The following CHD4 variants were observed in gnomAD, a reference collection of about 807,000 sequenced individuals.
The protein encoded by CHD4 is chromodomain helicase DNA binding protein 4.
In CHD4, 35 loss-of-function variants were observed where a neutral mutation model predicts 235.5. That is an observed-to-expected ratio of 0.15 (90% CI 0.11 to 0.20). The LOEUF (loss-of-function observed/expected upper bound fraction) is 0.20. CHD4 is among the 10% of genes least tolerant of loss of function. The probability of loss-of-function intolerance (pLI) is 1.00; values close to 1 mark genes in which losing one functional copy is unlikely to be tolerated. For synonymous variants in CHD4, 900 were observed against 850.2 expected, an observed-to-expected ratio of 1.06 and a Z score of -1.02; for missense variants, 1,329 against 2,432.3, an observed-to-expected ratio of 0.55 and a Z score of 9.54.
At position 6,573,258 on chromosome 12, in the gene CHD4, T is replaced by C. The variant is rs753139884; in HGVS notation, c.5373A>G (p.Gln1791=). 5 of 1,567,642 alleles carry C rather than the reference T, an allele frequency of 3.2e-6. No homozygotes were observed. In the East Asian group the frequency reaches 9.4e-5, roughly 30 times the overall value. The change falls in exon 38 of 40, where the codon CAA becomes CAG. Residue 1791 remains glutamine, a synonymous_variant. Transcript: ENST00000544040. ...GCAGCTGTTCCTCAATCACCAGAGC[T>C]TGTTCTAAGAGCTGGACAAGGGATA... is the stretch of plus-strand genomic sequence containing the variant. ...FLARRFKLLE[Q]ALVIEEQLRR... is the part of the protein sequence containing the mutation.
chr12:6,606,690 G>C, intron 1 of CHD4: 1 of 263,550 alleles, frequency 3.8e-6, no homozygotes. Flanking sequence ...AGCGCGGGGA[G>C]GGGAGACGCG....
intron 31 of CHD4, 104 bp downstream of exon 31, chr12:6,581,545 G>GT (rs1385563026): frequency 1.3e-6 from 2 of 1,563,274 alleles, no homozygotes; most frequent in Non-Finnish European, 1.8e-6. Context: ...GGGAATTGCT[G>GT]TGTGTCCTGC....
chr12:6,600,115 C>G, intron 9 of CHD4, 102 bp downstream of exon 9: 2 of 1,576,610 alleles, frequency 1.3e-6, no homozygotes, highest in Non-Finnish European at 1.7e-6. Context: ...AGCTCACAAC[C>G]CGCAGCACCA....
intron 10 of CHD4, among the ~76,000 whole-genome samples, chr12:6,599,001 G>T (rs537283080): frequency 6.6e-6 from 1 of 152,142 alleles, no homozygotes; most frequent in East Asian, 1.9e-4. Context: ...CAGGATTTGC[G>T]TGCCACCATC....
Position 6,587,471 on chromosome 12 carries a change from C to T in CHD4, c.3792G>A (p.Glu1264=). 6.2e-7 allele frequency: 1 copy of T among 1,614,198 alleles called. No homozygotes were observed. Among genetic ancestry groups the T allele is most frequent in the Non-Finnish European group, 8.5e-7 (1 of 1,180,046 alleles). Residue 1264 remains glutamate, a synonymous_variant, in exon 25 of 40, where the codon GAG becomes GAA. Coordinates refer to ENST00000544040, the MANE Select transcript of CHD4 (RefSeq NM_001273.5). ...TGCCCTGCAATTCTGTGTCTTCAGT[C>T]TCATCCTGGTTACGGTCTAGCAGCC... ...IERLLDRNQD[E]TEDTELQGMN...
Position 6,598,338 on chromosome 12 carries a change from C to G in CHD4, c.1570G>C (p.Asp524His). 6.2e-7 allele frequency: 1 copy of G among 1,614,172 alleles called. No homozygotes were observed. Among genetic ancestry groups the G allele is most frequent in the Non-Finnish European group, 8.5e-7 (1 of 1,180,010 alleles). ...GGGGAGGGCGTGTTGGGATCAGCAT[C>G]TGGAGGCCGAGGCACTGGTGTGGGA... ...PSPTPVPRPP[D>H]ADPNTPSPKP... The change falls in exon 11 of 40, where the codon GAT (aspartate) becomes CAT (histidine). Residue 524 changes from aspartate to histidine, a missense_variant. Around this residue, in one of 26 missense-constraint regions of CHD4, gnomAD observed 45 missense variants for 47.5 expected, o/e 0.95. Transcript: ENST00000544040.
intron 3 of CHD4, 56 bp downstream of exon 3, chr12:6,602,320 C>T (rs1181393159): frequency 1.9e-6 from 3 of 1,609,604 alleles, no homozygotes; most frequent in African/African-American, 1.3e-5. Context: ...TTCAACCCTT[C>T]TCAGAGCTCC....
At position 6,583,189 on chromosome 12, in the gene CHD4, C is replaced by T; in HGVS notation, c.4060+9G>A. Reference sequence around the variant, plus strand: ...CCCATGGGTGGGGGGCGGGGCCGGCCACACACACCTCGGTCCTCCTGGGAG... The same window carrying T: ...CCCATGGGTGGGGGGCGGGGCCGGCTACACACACCTCGGTCCTCCTGGGAG... On this transcript the variant is annotated intron_variant, in intron 26 of 39. Coordinates refer to ENST00000544040, the MANE Select transcript of CHD4 (RefSeq NM_001273.5). 2 of 1,614,074 alleles carry T rather than the reference C, an allele frequency of 1.2e-6. No homozygotes were observed. Among genetic ancestry groups the T allele is most frequent in the Non-Finnish European group, 8.5e-7 (1 of 1,179,988 alleles).
At chr12:6,600,460 C>CCCAAAAAACA in intron 8 of CHD4, 65 bp from the exon 9 acceptor site, 2 of 1,605,542 alleles carry the variant, frequency 1.2e-6, no homozygotes, top group Non-Finnish European at 1.7e-6. Context: ...CCCCCGACCC[C>CCCAAAAAACA]TATCTCCTTA....
At chr12:6,590,801 G>A (rs909544285) in intron 22 of CHD4, among the ~76,000 whole-genome samples, 2 of 152,078 alleles carry the variant, frequency 1.3e-5, no homozygotes, top group African/African-American at 4.8e-5. Context: ...TCCAGCCTCG[G>A]CAACAGAGTG....
rs1174245842 is a variant in CHD4 at position 6,581,075 on chromosome 12, T to G, written c.4878A>C (p.Arg1626Ser). 1 of 1,613,956 alleles carries G rather than the reference T, an allele frequency of 6.2e-7. No homozygotes were observed. The highest frequency in any genetic ancestry group is 8.5e-7 in the Non-Finnish European group (1 of 1,180,014). The change falls in exon 33 of 40, where the codon AGA becomes AGC. Residue 1626 changes from arginine (R) to serine (S), a missense_variant. Around this residue, in one of 26 missense-constraint regions of CHD4, gnomAD observed 219 missense variants for 219.3 expected, o/e 1.00. Transcript: ENST00000544040. ...EKVEKAEVKE[R>S]TEEPMETEPK... ...GCTCTGTCTCCATAGGTTCCTCTGT[T>G]CTCTCCTTCACCTCTGCCTTTTCCA...
Position 6,598,212 on chromosome 12 carries a change from C to T in CHD4, c.1686+10G>A. 4.3e-6 allele frequency: 7 copies of T among 1,611,570 alleles called. No homozygotes were observed. Among genetic ancestry groups the T allele is most frequent in the Non-Finnish European group, 5.9e-6 (7 of 1,178,210 alleles). On this transcript the variant is annotated intron_variant, in intron 11 of 39. Transcript: ENST00000544040. ...GTAGCCCCTACATCTCCAGACTATCCTAAACTTACCTGCAGTTCAGAAACC... is the reference window on the plus strand; with the variant it reads ...GTAGCCCCTACATCTCCAGACTATCTTAAACTTACCTGCAGTTCAGAAACC...
intron 10 of CHD4, 56 bp downstream of exon 10, chr12:6,599,717 A>C (rs1356541719): frequency 1.9e-6 from 3 of 1,609,436 alleles, no homozygotes; most frequent in Non-Finnish European, 2.5e-6. Flanking sequence ...ACAATAGCCT[A>C]CATAGAAAAG....
Position 6,570,862 on chromosome 12 carries a change from G to T in CHD4, c.5721+7C>A, listed in dbSNP as rs1284953907. ...AAGAGGTGGTGTCAAGAAGAAAATG[G>T]TCCTACCTGCTGTGGGGTAGGTTCG... On this transcript the variant is annotated splice_region_variant and intron_variant, in intron 39 of 39. Transcript: ENST00000544040. 1 of 1,614,090 alleles carries T rather than the reference G, an allele frequency of 6.2e-7. No individual in the cohort carries two copies. Among genetic ancestry groups the T allele is most frequent in the Admixed American group, 1.7e-5 (1 of 60,006 alleles).
At chr12:6,606,652 G>T in intron 1 of CHD4, 1 of 347,892 alleles carries the variant, frequency 2.9e-6, no homozygotes. Flanking sequence ...GAGCGAGGGA[G>T]CGACGCCTCC....
rs1020332857 is a variant in CHD4, at chr12:6,596,095, C to T, written c.1935G>A (p.Arg645=). The change falls in exon 13 of 40, where the codon CGG becomes CGA. Residue 645 remains arginine (R), a synonymous_variant. Transcript: ENST00000544040. ...AAGAAGCCTGATCGTAAGGTAAGTC[C>T]CGCCACTTGATCAAGTAGTGGACGT... is the stretch of plus-strand genomic sequence containing the variant. ...KGHVHYLIKW[R]DLPYDQASWE... is the part of the protein sequence containing the mutation. The T allele has an allele frequency of 1.2e-6, 2 of 1,613,938 alleles. No homozygotes were observed. The highest frequency in any genetic ancestry group is 1.3e-5 in the African/African-American group (1 of 74,892).
At position 6,597,938 on chromosome 12, in the gene CHD4, C is replaced by A. The variant is rs61753200; in HGVS notation, c.1848G>T (p.Gly616=). ...GGATCATCATCCACTCGGGTTTTAT[C>A]CCATAGCGATAGAAGCGTTCCTCCA... is the stretch of plus-strand genomic sequence containing the variant. ...AEMEERFYRY[G]IKPEWMMIHR... The change falls in exon 12 of 40, where the codon GGG becomes GGT. Residue 616 remains glycine, a synonymous_variant. Transcript: ENST00000544040. 6.2e-7 allele frequency: 1 copy of A among 1,614,164 alleles called. No homozygotes were observed. Among genetic ancestry groups the A allele is most frequent in the Non-Finnish European group, 8.5e-7 (1 of 1,180,038 alleles).
intron 30 of CHD4, 67 bp from the exon 31 acceptor site, chr12:6,581,881 C>T: frequency 6.8e-7 from 1 of 1,473,522 alleles, no homozygotes; most frequent in Non-Finnish European, 9.0e-7. Context: ...ATTGGCCTTC[C>T]AGTCTCCGCC....
Position 6,592,785 on chromosome 12 carries a change from C to G in CHD4, c.2685G>C (p.Gln895His). ...FFRVLNGYSLQHKLLLTGTPL... is the reference protein window; with the variant it reads ...FFRVLNGYSLHHKLLLTGTPL... ...GTGTCCCAGTCAGCAACAGCTTGTG[C>G]TGGAGTGAGTAACCATTCAATACCC... is the stretch of plus-strand genomic sequence containing the variant. Residue 895 changes from glutamine to histidine, a missense_variant, in exon 18 of 40, where the codon CAG becomes CAC. Transcript: ENST00000544040. The G allele has an allele frequency of 6.2e-7, 1 of 1,613,634 alleles. No individual in the cohort carries two copies.
Sources: allele counts gnomAD v4.1 joint callset (sites outside exome capture counted in the v4.1 genomes callset), GRCh38; gene constraint gnomAD v4.1.1; regional missense constraint gnomAD v4.1.1; transcripts MANE v1.5; gene names NCBI Gene and HGNC (gene_info 2026-07-23, HGNC 2026-07-21).